Variants in RNF2 observed in about 807,000 individuals in gnomAD.
RNF2 encodes E3 ubiquitin-protein ligase RING2.
Under a neutral mutation model 37.2 loss-of-function variants are expected in RNF2, and 6 were observed. That is an observed-to-expected ratio of 0.16 (90% confidence interval 0.09 to 0.32). RNF2 has a LOEUF of 0.32. Ranked by LOEUF, RNF2 falls within the 10% of genes least tolerant of loss-of-function variation. RNF2 has a pLI of 1.00. For missense variants in RNF2, 251 were observed against 404.0 expected (o/e 0.62, Z 3.25); for synonymous variants, 133 against 132.7 (o/e 1.00, Z -0.02).
chr1:185,085,692 C>T (rs560417848), intron 1 of RNF2, among the ~76,000 whole-genome samples: 8 of 151,588 alleles, frequency 5.3e-5, no homozygotes, highest in African/African-American at 1.7e-4. Flanking sequence ...GTCGCTCTGT[C>T]GCCCAGGCTG....
intron 1 of RNF2, among the ~76,000 whole-genome samples, chr1:185,077,967 C>T (rs570151055): frequency 1.3e-5 from 2 of 152,144 alleles, no homozygotes; most frequent in South Asian, 2.1e-4. Context: ...AGTAAGGGGC[C>T]GGGCGTGGTG....
chr1:185,077,675 C>A (rs559727931), intron 1 of RNF2, among the ~76,000 whole-genome samples: 1 of 130,038 alleles, frequency 7.7e-6, no homozygotes, highest in African/African-American at 3.1e-5. Context: ...CTGTACCTGA[C>A]AACTAAATTG....
Position 185,098,079 on chromosome 1 carries a change from C to T in RNF2, c.472C>T (p.Arg158Ter). ...LKIQAMNRLQ[R>*]GKKQQIENGS... ...TTTTTCCCCCTTGACTAGACTGCAGCGAGGCAAGAAACAACAGATTGAAAA... is the reference window on the plus strand; with the variant it reads ...TTTTTCCCCCTTGACTAGACTGCAGTGAGGCAAGAAACAACAGATTGAAAA... The change falls in exon 5 of 7, where the codon CGA (arginine) becomes TGA (stop). Residue 158 changes from arginine (R) to a stop codon, truncating the protein, a stop_gained. Coordinates refer to ENST00000367510, the MANE Select transcript of RNF2 (RefSeq NM_007212.4). LOFTEE classifies it high-confidence loss of function. 1 of 1,613,692 alleles carries T rather than the reference C, an allele frequency of 6.2e-7. No homozygotes were observed. Among genetic ancestry groups the T allele is most frequent in the Non-Finnish European group, 8.5e-7 (1 of 1,179,794 alleles).
intron 1 of RNF2, among the ~76,000 whole-genome samples, chr1:185,062,272 A>G (rs1442279219): frequency 6.6e-6 from 1 of 152,204 alleles, no homozygotes; most frequent in Non-Finnish European, 1.5e-5. Context: ...TGAATCAGGC[A>G]ATCATTTATT....
intron 1 of RNF2, among the ~76,000 whole-genome samples, chr1:185,061,582 C>T (rs1416962102): frequency 6.6e-6 from 1 of 152,078 alleles, no homozygotes; most frequent in Non-Finnish European, 1.5e-5. Flanking sequence ...ACTAGCTATT[C>T]TCTTTAAGAC....
rs188541742 is a variant in RNF2, at chr1:185,088,443, C to G, written c.87+803C>G. Among the ~76,000 whole-genome samples the G allele has an allele frequency of 4.0e-4, 61 of 152,030 alleles. 1 individual carries two copies. The highest frequency in any genetic ancestry group is 6.8e-3 in the Middle Eastern group (2 of 294). Reference sequence around the variant, plus strand: ...TGGTGGCACGTGCCTGTAGTTGCAGCTACTTGGGAGGCTGAGGCAGGAGAA... The same window carrying G: ...TGGTGGCACGTGCCTGTAGTTGCAGGTACTTGGGAGGCTGAGGCAGGAGAA... On this transcript the variant is annotated intron_variant, in intron 2 of 6. Coordinates refer to ENST00000367510, the MANE Select transcript of RNF2 (RefSeq NM_007212.4).
chr1:185,059,199 A>C (rs958320407), intron 1 of RNF2, among the ~76,000 whole-genome samples: 4 of 151,504 alleles, frequency 2.6e-5, no homozygotes, highest in African/African-American at 7.3e-5. Context: ...AAAAATGAGA[A>C]TAGAAGTCTC....
At chr1:185,085,152 T>TC (rs1169057911) in intron 1 of RNF2, among the ~76,000 whole-genome samples, 67 of 143,232 alleles carry the variant, frequency 4.7e-4, no homozygotes, top group Admixed American at 2.1e-3. Context: ...TTTCTTTTTT[T>TC]TTTTTTTTTT....
At chr1:185,086,836 C>T (rs1651612915) in intron 1 of RNF2, among the ~76,000 whole-genome samples, 1 of 152,156 alleles carries the variant, frequency 6.6e-6, no homozygotes, top group South Asian at 2.1e-4. Context: ...GATAGCTATG[C>T]TGAAGAATCT....
chr1:185,063,556 G>T (rs1650675229), intron 1 of RNF2, among the ~76,000 whole-genome samples: 1 of 152,100 alleles, frequency 6.6e-6, no homozygotes, highest in Non-Finnish European at 1.5e-5. Flanking sequence ...GGTAATTAGG[G>T]TTCAACTGGT....
intron 1 of RNF2, among the ~76,000 whole-genome samples, chr1:185,052,330 A>G (rs549510460): frequency 5.9e-5 from 9 of 152,342 alleles, no homozygotes; most frequent in Non-Finnish European, 1.0e-4. Flanking sequence ...ATGTCTGTCA[A>G]CAGATGAATG....
intron 1 of RNF2, among the ~76,000 whole-genome samples, chr1:185,068,639 A>G (rs1385483871): frequency 1.3e-5 from 2 of 152,194 alleles, no homozygotes; most frequent in Admixed American, 6.5e-5. Flanking sequence ...CAGTACTTTT[A>G]TTTTGGCCCA....
intron 1 of RNF2, among the ~76,000 whole-genome samples, chr1:185,057,126 A>G (rs193056639): frequency 6.6e-6 from 1 of 152,158 alleles, no homozygotes; most frequent in Non-Finnish European, 1.5e-5. Context: ...TGGGCAACAT[A>G]ATGAAACCCT....
intron 1 of RNF2, among the ~76,000 whole-genome samples, chr1:185,072,770 C>G (rs1008589932): frequency 3.3e-5 from 5 of 152,072 alleles, no homozygotes; most frequent in Non-Finnish European, 7.4e-5. Context: ...GAAACCCCAT[C>G]TCTAATAAAA....
intron 1 of RNF2, among the ~76,000 whole-genome samples, chr1:185,054,344 A>G (rs1454738955): frequency 6.6e-6 from 1 of 152,138 alleles, no homozygotes; most frequent in Admixed American, 6.5e-5. Flanking sequence ...ATAACCGGCA[A>G]GTGGCAGAGC....
At chr1:185,085,430 C>T (rs1457339831) in intron 1 of RNF2, among the ~76,000 whole-genome samples, 1 of 152,058 alleles carries the variant, frequency 6.6e-6, no homozygotes, top group Non-Finnish European at 1.5e-5. Context: ...GCCACCGCGC[C>T]CGGCCTGACC....
chr1:185,069,061 A>C (rs1650887086), intron 1 of RNF2, among the ~76,000 whole-genome samples: 1 of 152,198 alleles, frequency 6.6e-6, no homozygotes, highest in Non-Finnish European at 1.5e-5. Flanking sequence ...CTCTGGTAAG[A>C]GTACAATTTA....
intron 1 of RNF2, among the ~76,000 whole-genome samples, chr1:185,074,874 A>G (rs1225317239): frequency 6.6e-6 from 1 of 152,198 alleles, no homozygotes; most frequent in Non-Finnish European, 1.5e-5. Context: ...GTGTCTTTTT[A>G]TATAAGGGAC....
At chr1:185,054,847 G>A (rs547878697) in intron 1 of RNF2, among the ~76,000 whole-genome samples, 226 of 152,208 alleles carry the variant, frequency 1.5e-3, no homozygotes, top group African/African-American at 5.3e-3. Flanking sequence ...ACAGGCGGGC[G>A]CCGCCACGCC....
Sources: allele counts gnomAD v4.1 joint callset (sites outside exome capture counted in the v4.1 genomes callset), GRCh38; gene constraint gnomAD v4.1.1; transcripts MANE v1.5; gene names NCBI Gene and HGNC (gene_info 2026-07-23, HGNC 2026-07-21).